The following WDR73 variants were observed in gnomAD, a reference collection of about 807,000 sequenced individuals.
WDR73 encodes the protein integrator complex assembly factor WDR73.
Under a neutral mutation model 38.2 loss-of-function variants are expected in WDR73, and 30 were observed. The ratio of observed to expected loss-of-function variants is 0.79; its 90% CI spans 0.59 to 1.06. The LOEUF (loss-of-function observed/expected upper bound fraction) is 1.06. WDR73 is among the 50% of genes least tolerant of loss of function. The pLI, the probability that WDR73 is intolerant of heterozygous loss-of-function variation, is 0.00. For missense variants in WDR73, 487 were observed against 467.0 expected, an observed-to-expected ratio of 1.04 and a Z score of -0.40; for synonymous variants, 197 against 176.0, an observed-to-expected ratio of 1.12 and a Z score of -0.94.
intron 3 of WDR73, among the ~76,000 whole-genome samples, chr15:84,650,755 G>A (rs1018057176): frequency 5.9e-5 from 9 of 152,032 alleles, no homozygotes; most frequent in Admixed American, 5.2e-4. Flanking sequence ...TTGGTCTCCC[G>A]CTCCCAAGGT....
chr15:84,645,591 G>A lies in WDR73; in HGVS notation c.763C>T (p.Pro255Ser), dbSNP rs751320800. 6 of 1,610,920 alleles carry A rather than the reference G, an allele frequency of 3.7e-6. No individual in the cohort carries two copies. In the South Asian group the frequency reaches 5.5e-5, roughly 15 times the overall value. ...GSDGRLCLLD[P>S]RDLCHPVSSV... ...CTCACAGGATGGCAGAGATCCCGGG[G>A]GTCAAGAAGACAAAGACGCCCATCT... The change falls in exon 7 of 8, where the codon CCC (proline) becomes TCC (serine). Residue 255 changes from proline to serine, a missense_variant. Pro to Ser is a moderately conservative substitution (Grantham distance 74, BLOSUM62 -1). Transcript: ENST00000434634.
intron 5 of WDR73, 178 bp from the exon 6 acceptor site, chr15:84,646,526 T>C (rs920849289): frequency 3.6e-5 from 33 of 913,118 alleles, no homozygotes; most frequent in South Asian, 4.9e-5. Context: ...TTTGAAACCA[T>C]CAGAAACATT....
At chr15:84,647,644 C>G (rs1219382511) in intron 5 of WDR73, 1 of 496,332 alleles carries the variant, frequency 2.0e-6, no homozygotes, top group Non-Finnish European at 3.7e-6. Flanking sequence ...TTACAGGTGC[C>G]TACCACCATG....
Position 84,653,644 on chromosome 15 carries a change from T to C in WDR73, c.97A>G (p.Ile33Val), listed in dbSNP as rs1368688736. The stretch of plus-strand genomic sequence containing the variant: ...AAAGGTATACCACCTTTGTCATCAA[T>C]CCATTCAAGGACTCGAGTGGCTCCT... ...LSGATRVLEWIDDKGVFVAGY... is the reference protein window; with the variant it reads ...LSGATRVLEWVDDKGVFVAGY... Residue 33 changes from isoleucine to valine, a missense_variant, in exon 2 of 8, where the codon ATT becomes GTT. Transcript: ENST00000434634. 3 of 1,592,112 alleles carry C rather than the reference T, an allele frequency of 1.9e-6. No individual in the cohort carries two copies. The highest frequency in any genetic ancestry group is 1.8e-5 in the Admixed American group (1 of 56,816).
intron 3 of WDR73, among the ~76,000 whole-genome samples, chr15:84,652,451 C>T (rs1420281122): frequency 1.3e-5 from 2 of 152,188 alleles, no homozygotes; most frequent in African/African-American, 4.8e-5. Context: ...TTCGACCGCC[C>T]TCTATATCCT....
At chr15:84,648,079 T>C in intron 4 of WDR73, 125 bp from the exon 5 acceptor site, 1 of 830,514 alleles carries the variant, frequency 1.2e-6, no homozygotes. Flanking sequence ...TGCAAGATCA[T>C]CAAGGCCAAC....
intron 3 of WDR73, among the ~76,000 whole-genome samples, chr15:84,652,269 T>C (rs1251510416): frequency 6.6e-6 from 1 of 152,220 alleles, no homozygotes; most frequent in African/African-American, 2.4e-5. Flanking sequence ...TGACCTTTTC[T>C]GAGATTCCTC....
At chr15:84,653,487 G>T in intron 2 of WDR73, 145 bp downstream of exon 2, 2 of 621,124 alleles carry the variant, frequency 3.2e-6, no homozygotes, top group South Asian at 3.6e-5. Context: ...TTAATAAGAG[G>T]AATATTAGTG....
chr15:84,647,967 G>C lies in WDR73; in HGVS notation c.288-13C>G. 1 of 1,613,788 alleles carries C rather than the reference G, an allele frequency of 6.2e-7. No individual in the cohort carries two copies. ...GGTAACCAGCAATCTATTCAGAAAAGACAAAATCAGTCCAGACCATGGGGA... is the reference window on the plus strand; with the variant it reads ...GGTAACCAGCAATCTATTCAGAAAACACAAAATCAGTCCAGACCATGGGGA... On this transcript the variant is annotated splice_polypyrimidine_tract_variant and intron_variant, in intron 4 of 7. Transcript: ENST00000434634.
rs1896238480 is a variant in WDR73 at position 84,640,905 on chromosome 15, A to G, written c.*2565T>C. ...CCTGGGCTGTTATGAGGATCCTGAC[A>G]CAGTATTAGCACTTGGCAAACGTTA... On this transcript the variant is annotated 3_prime_UTR_variant, in exon 8 of 8. Coordinates refer to ENST00000434634, the MANE Select transcript of WDR73 (RefSeq NM_032856.5). The G allele has an allele frequency of 1.3e-5, 2 of 152,140 alleles. No individual in the cohort carries two copies. The highest frequency in any genetic ancestry group is 2.9e-5 in the Non-Finnish European group (2 of 68,052). 9.4% of individuals were successfully genotyped at this position (152,140 alleles called of 1,614,324 possible). A position where few individuals can be genotyped will look rare whatever the true frequency, so the allele number is the denominator to read the frequency against.
At chr15:84,643,856 A>T in intron 7 of WDR73, 133 bp from the exon 8 acceptor site, 1 of 1,089,420 alleles carries the variant, frequency 9.2e-7, no homozygotes, top group Non-Finnish European at 1.3e-6. Context: ...GCCTCAAGCG[A>T]TCCTCCCATC....
At position 84,643,596 on chromosome 15, in the gene WDR73, C is replaced by A. The variant is rs199676076; in HGVS notation, c.1011G>T (p.Gly337=). The stretch of plus-strand genomic sequence containing the variant: ...TGGTGACCAAAGGAGCAGGGTCCAT[C>A]CCATTTCCATCTAGGAAGATGTGAC... ...HRGHIFLDGN[G]MDPAPLVTTH... is the part of the protein sequence containing the mutation. The change falls in exon 8 of 8, where the codon GGG becomes GGT. Residue 337 remains glycine (G), a synonymous_variant. Transcript: ENST00000434634. 374 of 1,612,766 alleles carry A rather than the reference C, an allele frequency of 2.3e-4. 1 individual carries two copies. In the African/African-American group the frequency reaches 4.5e-3, roughly 20 times the overall value.
At chr15:84,645,331 G>A in intron 7 of WDR73, 140 bp downstream of exon 7, 1 of 1,531,552 alleles carries the variant, frequency 6.5e-7, no homozygotes, top group South Asian at 1.2e-5. Context: ...TGAAGAACCT[G>A]GAGAGTTCGA....
intron 3 of WDR73, among the ~76,000 whole-genome samples, chr15:84,650,627 G>A (rs1245080014): frequency 2.0e-5 from 3 of 152,060 alleles, no homozygotes; most frequent in Admixed American, 6.5e-5. Context: ...CCAAAGTGCT[G>A]GGATTACAGG....
intron 5 of WDR73, 165 bp downstream of exon 5, chr15:84,647,725 G>A: frequency 1.5e-6 from 1 of 666,198 alleles, no homozygotes; most frequent in Non-Finnish European, 2.7e-6. Flanking sequence ...TTCAACTCCT[G>A]AATTCAAGTG....
intron 1 of WDR73, 27 bp downstream of exon 1, chr15:84,654,207 C>G (rs968633906): frequency 6.2e-7 from 1 of 1,603,700 alleles, no homozygotes; most frequent in African/African-American, 1.3e-5. Context: ...AGGCCCAGCT[C>G]CCATGTCCCA....
rs748226267 is a variant in WDR73 at position 84,646,188 on chromosome 15, G to A, written c.513C>T (p.Thr171=). ...AGGGACAAAGTACCACGGTACCTGAGGTGTACGTGGTCTTCCGGGACTCCA... is the reference window on the plus strand; with the variant it reads ...AGGGACAAAGTACCACGGTACCTGAAGTGTACGTGGTCTTCCGGGACTCCA... ...VDLESRKTTY[T]SDVSDSEELS... Residue 171 remains threonine (T), a synonymous_variant, in exon 6 of 8, where the codon ACC becomes ACT. Transcript: ENST00000434634. 1.2e-6 allele frequency: 2 copies of A among 1,613,658 alleles called. No individual in the cohort carries two copies. Among genetic ancestry groups the A allele is most frequent in the Non-Finnish European group, 1.7e-6 (2 of 1,179,880 alleles).
Position 84,640,443 on chromosome 15 carries a change from C to T in WDR73, c.*3027G>A, listed in dbSNP as rs1896223648. On this transcript the variant is annotated 3_prime_UTR_variant, in exon 8 of 8. Transcript: ENST00000434634. ...TTGAGGCTCTTGCTCTGCTCTTTAG[C>T]CAAGGAGTCTCCCTTCCTGCCTTCA... The T allele has an allele frequency of 6.6e-6, 1 of 152,188 alleles. No individual in the cohort carries two copies. The highest frequency in any genetic ancestry group is 2.4e-5 in the African/African-American group (1 of 41,442). The allele number at this position is 152,188 out of a possible 1,614,324, so 9.4% of individuals were successfully genotyped here.
At chr15:84,654,175 A>G in intron 1 of WDR73, 59 bp downstream of exon 1, 1 of 1,612,296 alleles carries the variant, frequency 6.2e-7, no homozygotes, top group Middle Eastern at 1.7e-4. Context: ...ACCCACACCC[A>G]TCCGCCCGCC....
Sources: allele counts gnomAD v4.1 joint callset (sites outside exome capture counted in the v4.1 genomes callset), GRCh38; gene constraint gnomAD v4.1.1; transcripts MANE v1.5; gene names NCBI Gene and HGNC (gene_info 2026-07-23, HGNC 2026-07-21).